The following LAMB2 variants were observed in gnomAD, a reference collection of about 807,000 sequenced individuals.
LAMB2 encodes the protein laminin subunit beta-2.
LAMB2 carries 119 observed loss-of-function variants against 202.7 expected under a neutral mutation model. That is an observed-to-expected ratio of 0.59 (90% CI 0.51 to 0.68). LAMB2 has a LOEUF of 0.68. LAMB2 is among the 30% of genes least tolerant of loss of function. The pLI is 0.00. For synonymous variants in LAMB2, 818 were observed against 902.2 expected (o/e 0.91, Z 1.67); for missense variants, 2,124 against 2,410.6 (o/e 0.88, Z 2.49).
Position 49,126,156 on chromosome 3 carries a change from C to A in LAMB2, c.2155G>T (p.Val719Leu). 1 of 1,612,218 alleles carries A rather than the reference C, an allele frequency of 6.2e-7. No homozygotes were observed. The highest frequency in any genetic ancestry group is 2.2e-5 in the East Asian group (1 of 44,880). ...AGCACCAGGACACGGGGCAGCAGCA[C>A]CAGCTGAAGGAGTGAGCAAGGAAGA... ...SGPGLLIDSL[V>L]LLPRVLVLEM... Residue 719 changes from valine (V) to leucine (L), a missense_variant, in exon 17 of 32, where the codon GTG (valine) becomes TTG (leucine). Val to Leu is a conservative substitution (Grantham distance 32). Coordinates refer to ENST00000305544, the MANE Select transcript of LAMB2 (RefSeq NM_002292.4).
rs1365039721 is a variant in LAMB2, at chr3:49,122,039, C to A, written c.4828G>T (p.Ala1610Ser). Residue 1610 changes from alanine (A) to serine (S), a missense_variant, in exon 29 of 32, where the codon GCA becomes TCA. Ala to Ser is a moderately conservative substitution (Grantham distance 99). Around this residue, in one of 3 missense-constraint regions of LAMB2, gnomAD observed 1,702 missense variants for 1,896.3 expected, o/e 0.90. Transcript: ENST00000305544. ...EKQKAETVQA[A>S]LEEAQRAQGI... is the part of the protein sequence containing the mutation. ...TGTGCCCGCTGGGCCTCCTCCAGTG[C>A]TGCCTGTACTGTCTCTGCCTTCTGT... The A allele has an allele frequency of 5.6e-6, 9 of 1,613,582 alleles. No homozygotes were observed. The Admixed American group carries it at 6.7e-5, about 12-fold the overall frequency.
chr3:49,123,630 G>A lies in LAMB2; in HGVS notation c.3799C>T (p.Arg1267Cys), dbSNP rs780090504. 19 of 1,613,930 alleles carry A rather than the reference G, an allele frequency of 1.2e-5. No homozygotes were observed. The highest frequency in any genetic ancestry group is 2.2e-5 in the East Asian group (1 of 44,896). ...QLVEATEELR[R>C]EIGEATEHLT... is the part of the protein sequence containing the mutation. ...TGCTCAGTGGCCTCCCCAATTTCACGCCTGCAATGATGGAGAGGGGGGTGT... is the reference window on the plus strand; with the variant it reads ...TGCTCAGTGGCCTCCCCAATTTCACACCTGCAATGATGGAGAGGGGGGTGT... The change falls in exon 25 of 32, where the codon CGT (arginine) becomes TGT (cysteine). Residue 1267 changes from arginine (R) to cysteine (C), a missense_variant and splice_region_variant. Arg to Cys is a radical substitution (Grantham distance 180, BLOSUM62 -3). Transcript: ENST00000305544.
Position 49,124,197 on chromosome 3 carries a change from C to T in LAMB2, c.3417G>A (p.Gln1139=), listed in dbSNP as rs758928961. The change falls in exon 23 of 32, where the codon CAG becomes CAA. Residue 1139 remains glutamine (Q), a synonymous_variant. Transcript: ENST00000305544. ...CCCCGCTGGCTCCCTCACCATGGCA[C>T]TGCAACCCAGGGTCTCCCCAGTGGA... The part of the protein sequence containing the change: ...QELHWGDPGL[Q]CHACDCDSRG... 2 of 1,614,076 alleles carry T rather than the reference C, an allele frequency of 1.2e-6. No homozygotes were observed. The highest frequency in any genetic ancestry group is 3.3e-5 in the Admixed American group (2 of 60,024).
Position 49,129,441 on chromosome 3 carries a change from C to T in LAMB2, c.1519-117G>A. ...TCACCCCTCAGTGAAAACATGCCCC[C>T]CAGACCACTGGCCCACATCCTTGGC... On this transcript the variant is annotated intron_variant, in intron 11 of 31. Transcript: ENST00000305544. This position sits in a 1 kb window ranked among gnomAD's most constrained non-coding sequence, Gnocchi z 6.1. 8.9e-7 allele frequency: 1 copy of T among 1,124,650 alleles called. No homozygotes were observed. The highest frequency in any genetic ancestry group is 1.3e-5 in the South Asian group (1 of 75,966). The allele number at this position is 1,124,650 out of a possible 1,614,324, so 69.7% of individuals were successfully genotyped here. A position where few individuals can be genotyped will look rare whatever the true frequency, so the allele number is the denominator to read the frequency against.
chr3:49,124,326 G>A lies in LAMB2; in HGVS notation c.3328-40C>T, dbSNP rs191238589. ...AGGCAGGGTCAGAGCCTCTATAAGA[G>A]GCTAAGCCCTGGAGATAAGACAGAC... On this transcript the variant is annotated intron_variant, in intron 22 of 31. Transcript: ENST00000305544. 9 of 1,613,466 alleles carry A rather than the reference G, an allele frequency of 5.6e-6. No individual in the cohort carries two copies. The East Asian group carries it at 1.8e-4, about 32-fold the overall frequency.
At position 49,129,295 on chromosome 3, in the gene LAMB2, C is replaced by G. The variant is rs1282390772; in HGVS notation, c.1548G>C (p.Leu516=). The G allele has an allele frequency of 6.2e-7, 1 of 1,613,380 alleles. No homozygotes were observed. Among genetic ancestry groups the G allele is most frequent in the Admixed American group, 1.7e-5 (1 of 60,004 alleles). Residue 516 remains leucine (L), a synonymous_variant, in exon 12 of 32, where the codon CTG becomes CTC. Transcript: ENST00000305544. This position sits in a 1 kb window ranked among gnomAD's most constrained non-coding sequence, Gnocchi z 6.1. ...LPGHWGLSHD[L]LGCRPCDCDV... ...CGCAGTCACAGGGGCGGCAGCCGAG[C>G]AGGTCGTGGCTCAGGCCCCAGTGGC...
chr3:49,121,808 C>G lies in LAMB2; in HGVS notation c.4976G>C (p.Arg1659Thr). ...AERALSSAGE[R>T]ARQLDALLEA... The stretch of plus-strand genomic sequence containing the variant: ...CAGGAGAGCATCCAACTGCCGAGCC[C>G]TTTCACCTGCAGAGCTCAGTGCCCG... The change falls in exon 30 of 32, where the codon AGG becomes ACG. Residue 1659 changes from arginine (R) to threonine (T), a missense_variant. By Grantham distance (71) the Arg-to-Thr change is moderately conservative. Coordinates refer to ENST00000305544, the MANE Select transcript of LAMB2 (RefSeq NM_002292.4). 1 of 1,613,290 alleles carries G rather than the reference C, an allele frequency of 6.2e-7. No individual in the cohort carries two copies. Among genetic ancestry groups the G allele is most frequent in the Non-Finnish European group, 8.5e-7 (1 of 1,180,028 alleles).
intron 27 of LAMB2, 139 bp from the exon 28 acceptor site, chr3:49,122,509 G>T: frequency 1.0e-6 from 1 of 965,654 alleles, no homozygotes; most frequent in Non-Finnish European, 1.6e-6. Flanking sequence ...ACAAGGACAG[G>T]GACTATACAA....
Position 49,128,642 on chromosome 3 carries a change from T to G in LAMB2, c.1890+19A>C, listed in dbSNP as rs763388406. On this transcript the variant is annotated intron_variant, in intron 14 of 31. Transcript: ENST00000305544. ...CCACACCCAGAGGTTCAGCCCCAGA[T>G]TAGATAACAGGGTCTAACCTGGGGC... is the stretch of plus-strand genomic sequence containing the variant. The G allele has an allele frequency of 6.3e-5, 101 of 1,614,038 alleles. No homozygotes were observed. The Admixed American group carries it at 8.2e-4, about 13-fold the overall frequency.
In LAMB2 at chr3:49,129,453, C is replaced by A. The variant is rs2045458376; in HGVS notation, c.1519-129G>T. On this transcript the variant is annotated intron_variant, in intron 11 of 31. Coordinates refer to ENST00000305544, the MANE Select transcript of LAMB2 (RefSeq NM_002292.4). The surrounding 1 kb of genome is among the most constrained non-coding windows in gnomAD (Gnocchi z 6.1). The stretch of plus-strand genomic sequence containing the variant: ...GAAAACATGCCCCCCAGACCACTGG[C>A]CCACATCCTTGGCCTCCCAGACCTG... 2.7e-6 allele frequency: 3 copies of A among 1,097,730 alleles called. No homozygotes were observed. Among genetic ancestry groups the A allele is most frequent in the Non-Finnish European group, 2.7e-6 (2 of 733,452 alleles). 68.0% of individuals were successfully genotyped at this position (1,097,730 alleles called of 1,614,324 possible).
Position 49,129,953 on chromosome 3 carries a change from G to C in LAMB2, c.1291C>G (p.Leu431Val). 1 of 1,614,006 alleles carries C rather than the reference G, an allele frequency of 6.2e-7. No homozygotes were observed. The highest frequency in any genetic ancestry group is 1.1e-5 in the South Asian group (1 of 91,086). The change falls in exon 10 of 32, where the codon CTG (leucine) becomes GTG (valine). Residue 431 changes from leucine (L) to valine (V), a missense_variant. Coordinates refer to ENST00000305544, the MANE Select transcript of LAMB2 (RefSeq NM_002292.4). The surrounding 1 kb of genome is among the most constrained non-coding windows in gnomAD (Gnocchi z 6.1). ...GRCDSHDDPA[L>V]GLVSGQCRCK... The stretch of plus-strand genomic sequence containing the variant: ...CGACACTGGCCGGAGACCAGTCCCA[G>C]TGCAGGGTCATCATGGGAATCACAG...
chr3:49,125,271 C>T lies in LAMB2; in HGVS notation c.2702G>A (p.Gly901Glu), dbSNP rs781530275. Reference sequence around the variant, plus strand: ...GTCTCACCTTTCACAGTGCTCACCCCCTGTGTGATCACGGCAGCCCAGGCA... The same window carrying T: ...GTCTCACCTTTCACAGTGCTCACCCTCTGTGTGATCACGGCAGCCCAGGCA... ...GACLGCRDHT[G>E]GEHCERCIAG... The change falls in exon 19 of 32, where the codon GGG (glycine) becomes GAG (glutamate). Residue 901 changes from glycine to glutamate, a missense_variant. Coordinates refer to ENST00000305544, the MANE Select transcript of LAMB2 (RefSeq NM_002292.4). 9 of 1,613,978 alleles carry T rather than the reference C, an allele frequency of 5.6e-6. No homozygotes were observed. The East Asian group carries it at 6.7e-5, about 12-fold the overall frequency.
Position 49,131,322 on chromosome 3 carries a change from C to A in LAMB2, c.712+57G>T. On this transcript the variant is annotated intron_variant, in intron 6 of 31. Coordinates refer to ENST00000305544, the MANE Select transcript of LAMB2 (RefSeq NM_002292.4). This position sits in a 1 kb window ranked among gnomAD's most constrained non-coding sequence, Gnocchi z 5.0. Reference sequence around the variant, plus strand: ...AGCACCCAAAATAGTTACTGAGGCCCCAAATAGTCCCTAGCCGGACACGGA... The same window carrying A: ...AGCACCCAAAATAGTTACTGAGGCCACAAATAGTCCCTAGCCGGACACGGA... 1 of 1,587,616 alleles carries A rather than the reference C, an allele frequency of 6.3e-7. No individual in the cohort carries two copies. Among genetic ancestry groups the A allele is most frequent in the South Asian group, 1.1e-5 (1 of 90,178 alleles).
At position 49,128,561 on chromosome 3, in the gene LAMB2, C is replaced by T. The variant is rs752605206; in HGVS notation, c.1915G>A (p.Glu639Lys). 2.5e-6 allele frequency: 4 copies of T among 1,614,220 alleles called. No individual in the cohort carries two copies. The East Asian group carries it at 8.9e-5, about 36-fold the overall frequency. ...GGCCCTGGACGCTGCACAATCAGTT[C>T]CAACTCTGCCCATTGCTCAGGGACC... is the stretch of plus-strand genomic sequence containing the variant. ...PQVPEQWAELELIVQRPGPVP... is the reference protein window; with the variant it reads ...PQVPEQWAELKLIVQRPGPVP... Residue 639 changes from glutamate (E) to lysine (K), a missense_variant, in exon 15 of 32, where the codon GAA becomes AAA. Around this residue, in one of 3 missense-constraint regions of LAMB2, gnomAD observed 1,702 missense variants for 1,896.3 expected, o/e 0.90. Coordinates refer to ENST00000305544, the MANE Select transcript of LAMB2 (RefSeq NM_002292.4).
At chr3:49,127,626 T>C (rs919905404) in intron 15 of LAMB2, among the ~76,000 whole-genome samples, 1 of 150,312 alleles carries the variant, frequency 6.7e-6, no homozygotes, top group Non-Finnish European at 1.5e-5. Flanking sequence ...ACCTGGGAGG[T>C]GGAGCTTGCA....
At position 49,121,970 on chromosome 3, in the gene LAMB2, G is replaced by C. The variant is rs763067343; in HGVS notation, c.4897C>G (p.Arg1633Gly). ...GAIRGAVADT[R>G]DTEQTLYQVQ... ...TGGTACAGGGTCTGCTCTGTGTCCCGTGTGTCAGCCACTGCCCCCCGGATG... is the reference window on the plus strand; with the variant it reads ...TGGTACAGGGTCTGCTCTGTGTCCCCTGTGTCAGCCACTGCCCCCCGGATG... The change falls in exon 29 of 32, where the codon CGG becomes GGG. Residue 1633 changes from arginine to glycine, a missense_variant. By Grantham distance (125) the Arg-to-Gly change is moderately radical. Transcript: ENST00000305544. 6.2e-7 allele frequency: 1 copy of C among 1,613,920 alleles called. No homozygotes were observed. The highest frequency in any genetic ancestry group is 8.5e-7 in the Non-Finnish European group (1 of 1,180,032).
At position 49,123,891 on chromosome 3, in the gene LAMB2, C is replaced by G. The variant is rs1224083881; in HGVS notation, c.3634G>C (p.Glu1212Gln). 2 of 1,613,372 alleles carry G rather than the reference C, an allele frequency of 1.2e-6. No individual in the cohort carries two copies. Among genetic ancestry groups the G allele is most frequent in the East Asian group, 2.2e-5 (1 of 44,896 alleles). The change falls in exon 24 of 32, where the codon GAG becomes CAG. Residue 1212 changes from glutamate to glutamine, a missense_variant. Transcript: ENST00000305544. Reference protein sequence around the residue: ...QDLAARTQRLEQRAQELQQTG... With the variant: ...QDLAARTQRLQQRAQELQQTG... ...TGTTGCAACTCCTGCGCCCGCTGCT[C>G]TAGGCGCTGTGTACGGGCTGCCAAG...
At position 49,131,178 on chromosome 3, in the gene LAMB2, T is replaced by A. The variant is rs763215133; in HGVS notation, c.713-26A>T. The A allele has an allele frequency of 2.5e-6, 4 of 1,607,678 alleles. No homozygotes were observed. Among genetic ancestry groups the A allele is most frequent in the East Asian group, 4.5e-5 (2 of 44,846 alleles). ...CTGAGGCGGGGGAAGGGGGGCCAAC[T>A]GACCAGGCAGGCCCTTGCTGCCCCA... On this transcript the variant is annotated intron_variant, in intron 6 of 31. Transcript: ENST00000305544. This position sits in a 1 kb window ranked among gnomAD's most constrained non-coding sequence, Gnocchi z 5.0.
rs990706059 is a variant in LAMB2, at chr3:49,126,411, G to A, written c.2105C>T (p.Ala702Val). 1 of 1,614,160 alleles carries A rather than the reference G, an allele frequency of 6.2e-7. No individual in the cohort carries two copies. The highest frequency in any genetic ancestry group is 8.5e-7 in the Non-Finnish European group (1 of 1,180,020). ...TCCAGAGTAGGGAGTCTCAGGCTGG[G>A]CACTTCCCCCTGTCCGTACCAGCTT... Reference protein sequence around the residue: ...HLKLVRTGGSAQPETPYSGPG... With the variant: ...HLKLVRTGGSVQPETPYSGPG... Residue 702 changes from alanine to valine, a missense_variant, in exon 16 of 32, where the codon GCC becomes GTC. By Grantham distance (64) the Ala-to-Val change is moderately conservative (BLOSUM62 0). Coordinates refer to ENST00000305544, the MANE Select transcript of LAMB2 (RefSeq NM_002292.4).
Sources: allele counts gnomAD v4.1 joint callset (sites outside exome capture counted in the v4.1 genomes callset), GRCh38; gene constraint gnomAD v4.1.1; regional missense constraint gnomAD v4.1.1; non-coding constraint Gnocchi (gnomAD v3.1); transcripts MANE v1.5; gene names NCBI Gene and HGNC (gene_info 2026-07-23, HGNC 2026-07-21).